Variants in PIK3C2A observed in about 807,000 individuals in gnomAD.
PIK3C2A encodes the protein phosphatidylinositol-4-phosphate 3-kinase catalytic subunit type 2 alpha.
In PIK3C2A, 97 loss-of-function variants were observed where a neutral mutation model predicts 204.5. That is an observed-to-expected ratio of 0.47 (90% CI 0.40 to 0.56). The LOEUF (loss-of-function observed/expected upper bound fraction) is 0.56, where lower values mean the gene tolerates loss of function less well. Ranked by LOEUF, PIK3C2A falls within the 20% of genes least tolerant of loss-of-function variation. The pLI, the probability that PIK3C2A is intolerant of heterozygous loss-of-function variation, is 0.00. For missense variants in PIK3C2A, 1,735 were observed against 1,969.2 expected (o/e 0.88, Z 2.25); for synonymous variants, 653 against 664.4 (o/e 0.98, Z 0.26).
rs1406109812 is a variant in PIK3C2A, at chr11:17,101,311, C to T, written c.3975G>A (p.Lys1325=). 1.3e-6 allele frequency: 2 copies of T among 1,565,282 alleles called. No homozygotes were observed. The highest frequency in any genetic ancestry group is 1.7e-6 in the Non-Finnish European group (2 of 1,146,592). The change falls in exon 25 of 33, where the codon AAG becomes AAA. Residue 1325 remains lysine, a synonymous_variant. Coordinates refer to ENST00000691414, the MANE Select transcript of PIK3C2A (RefSeq NM_002645.4). ...GGAGGTTAAGAAAAAGGTTTGTCTG[C>T]TTTCTTATCAAGTTGTAGGCCTGAC... ...LCCQAYNLIR[K]QTNLFLNLLS...
rs757232932 is a variant in PIK3C2A at position 17,110,477 on chromosome 11, G to T, written c.3499C>A (p.Leu1167Met). The change falls in exon 22 of 33, where the codon CTG (leucine) becomes ATG (methionine). Residue 1167 changes from leucine (L) to methionine (M), a missense_variant. Transcript: ENST00000691414. The stretch of plus-strand genomic sequence containing the variant: ...AGACATTTGAAAATTACCATCCTCA[G>T]ATCTAGTCCTTCTTTAAGCCAGATC... ...DKIWLKEGLDLRMVIFKCLST... is the reference protein window; with the variant it reads ...DKIWLKEGLDMRMVIFKCLST... The T allele has an allele frequency of 1.2e-6, 2 of 1,611,084 alleles. No individual in the cohort carries two copies. Among genetic ancestry groups the T allele is most frequent in the African/African-American group, 2.7e-5 (2 of 74,984 alleles).
intron 26 of PIK3C2A, 23 bp from the exon 27 acceptor site, chr11:17,097,287 G>A (rs1565237368): frequency 7.4e-6 from 11 of 1,479,852 alleles, no homozygotes; most frequent in Admixed American, 5.1e-5. Flanking sequence ...CAGAAAATTC[G>A]TTAACAGTAA....
intron 13 of PIK3C2A, among the ~76,000 whole-genome samples, chr11:17,128,837 A>G (rs920213103): frequency 1.3e-5 from 2 of 152,218 alleles, no homozygotes; most frequent in Non-Finnish European, 2.9e-5. Flanking sequence ...GCAATTAAAG[A>G]CTAGGGGCAT....
At chr11:17,146,873 A>G (rs1156905297) in intron 6 of PIK3C2A, among the ~76,000 whole-genome samples, 1 of 152,208 alleles carries the variant, frequency 6.6e-6, no homozygotes. Context: ...AAACCAAGAA[A>G]AAAAGAAAGC....
At chr11:17,163,783 A>G (rs895590126) in intron 2 of PIK3C2A, among the ~76,000 whole-genome samples, 1 of 152,128 alleles carries the variant, frequency 6.6e-6, no homozygotes, top group Non-Finnish European at 1.5e-5. Context: ...AGTATACTTA[A>G]TATATTTAAC....
intron 24 of PIK3C2A, among the ~76,000 whole-genome samples, chr11:17,101,831 C>A (rs897279684): frequency 2.0e-5 from 3 of 151,844 alleles, no homozygotes; most frequent in Non-Finnish European, 4.4e-5. Context: ...TCTCGATCTC[C>A]TGACCTTGTG....
intron 2 of PIK3C2A, among the ~76,000 whole-genome samples, chr11:17,168,027 AC>A (rs139723868): frequency 0.015 from 2,244 of 149,348 alleles, 19 homozygotes; most frequent in South Asian, 0.035. Context: ...TTAAAAAAAA[AC>A]AGGAATAAGG....
intron 24 of PIK3C2A, 26 bp downstream of exon 24, chr11:17,102,636 C>A: frequency 6.4e-7 from 1 of 1,553,778 alleles, no homozygotes; most frequent in Non-Finnish European, 8.7e-7. Context: ...TGCCTCATTT[C>A]TTTGGCAACA....
In PIK3C2A at chr11:17,105,237, A is replaced by T; in HGVS notation, c.3613T>A (p.Ser1205Thr). The T allele has an allele frequency of 6.2e-7, 1 of 1,610,738 alleles. No homozygotes were observed. Among genetic ancestry groups the T allele is most frequent in the Non-Finnish European group, 8.5e-7 (1 of 1,177,218 alleles). ...KIQVEYGVTG[S>T]FKDKPLAEWL... ...TCTGCAAGTGGTTTATCTTTAAAGGATCCTGTCACACCATATTCCACTTGG... is the reference window on the plus strand; with the variant it reads ...TCTGCAAGTGGTTTATCTTTAAAGGTTCCTGTCACACCATATTCCACTTGG... Residue 1205 changes from serine to threonine, a missense_variant, in exon 23 of 33, where the codon TCC becomes ACC. Physicochemically the swap from Ser to Thr is moderately conservative, Grantham distance 58 (BLOSUM62 1). Coordinates refer to ENST00000691414, the MANE Select transcript of PIK3C2A (RefSeq NM_002645.4).
intron 24 of PIK3C2A, among the ~76,000 whole-genome samples, chr11:17,101,711 C>T (rs902872878): frequency 9.3e-5 from 14 of 150,634 alleles, no homozygotes; most frequent in Admixed American, 2.7e-4. Flanking sequence ...TCATGACATT[C>T]TCCTGCCTCA....
At chr11:17,115,372 GAAAAAAAAAAAAAA>G (rs58726258) in intron 19 of PIK3C2A, among the ~76,000 whole-genome samples, 1 of 84,646 alleles carries the variant, frequency 1.2e-5, no homozygotes, top group African/African-American at 4.8e-5. Context: ...GTCCCTACAA[GAAAAAAAAAAAAAA>G]AAAAAAAAGA....
intron 1 of PIK3C2A, among the ~76,000 whole-genome samples, chr11:17,181,357 T>TC (rs56406437): frequency 2.0e-4 from 30 of 151,044 alleles, no homozygotes; most frequent in Non-Finnish European, 1.5e-5. Context: ...TTTTTTTTTT[T>TC]ATTATAACAC....
At chr11:17,132,080 C>A in intron 11 of PIK3C2A, 42 bp from the exon 12 acceptor site, 1 of 1,207,070 alleles carries the variant, frequency 8.3e-7, no homozygotes, top group South Asian at 1.4e-5. Flanking sequence ...CATGATAATA[C>A]AAATTAGTTA....
At chr11:17,132,064 T>G (rs1849714249) in intron 11 of PIK3C2A, 26 bp from the exon 12 acceptor site, 2 of 1,358,842 alleles carry the variant, frequency 1.5e-6, no homozygotes, top group Non-Finnish European at 2.1e-6. Flanking sequence ...TTAACTTGAT[T>G]TCTATCATGA....
intron 28 of PIK3C2A, among the ~76,000 whole-genome samples, chr11:17,092,677 T>C (rs1689347979): frequency 6.6e-6 from 1 of 152,068 alleles, no homozygotes; most frequent in Non-Finnish European, 1.5e-5. Context: ...CAAAATAAAA[T>C]AAGTAATTTT....
chr11:17,148,610 T>C, intron 5 of PIK3C2A, 57 bp downstream of exon 5: 1 of 1,530,908 alleles, frequency 6.5e-7, no homozygotes, highest in Non-Finnish European at 9.0e-7. Context: ...TTTTTCTAGA[T>C]TAAACCATTA....
Position 17,135,162 on chromosome 11 carries a change from A to G in PIK3C2A, c.1849-3T>C, listed in dbSNP as rs758505288. The G allele has an allele frequency of 5.0e-6, 8 of 1,613,828 alleles. No individual in the cohort carries two copies. Among genetic ancestry groups the G allele is most frequent in the Non-Finnish European group, 6.8e-6 (8 of 1,179,750 alleles). ...TCTCCTCCAAACAAAGAAGTCACCT[A>G]CACATGCACACACACACACAATAGT... On this transcript the variant is annotated splice_polypyrimidine_tract_variant and splice_region_variant and intron_variant, in intron 9 of 32. Coordinates refer to ENST00000691414, the MANE Select transcript of PIK3C2A (RefSeq NM_002645.4).
chr11:17,092,387 T>C (rs912161480), intron 28 of PIK3C2A, 111 bp from the exon 29 acceptor site: 3 of 666,302 alleles, frequency 4.5e-6, no homozygotes, highest in Non-Finnish European at 7.9e-6. Context: ...CATTATAAAG[T>C]AATATTTTGT....
At chr11:17,121,076 A>T (rs1444390325) in intron 15 of PIK3C2A, among the ~76,000 whole-genome samples, 2 of 152,058 alleles carry the variant, frequency 1.3e-5, no homozygotes, top group Non-Finnish European at 2.9e-5. Flanking sequence ...CCTTAATTTA[A>T]TCCCTATTGA....
Sources: allele counts gnomAD v4.1 joint callset (sites outside exome capture counted in the v4.1 genomes callset), GRCh38; gene constraint gnomAD v4.1.1; transcripts MANE v1.5; gene names NCBI Gene and HGNC (gene_info 2026-07-23, HGNC 2026-07-21).